Variants in HIP1 observed in about 807,000 individuals in gnomAD.
The protein encoded by HIP1 is huntingtin-interacting protein 1.
In HIP1, 65 loss-of-function variants were observed where a neutral mutation model predicts 147.6. The ratio of observed to expected loss-of-function variants is 0.44; its 90% CI spans 0.36 to 0.54. The LOEUF (loss-of-function observed/expected upper bound fraction) is 0.54. Among genes scored for constraint, HIP1 ranks in the 20% least tolerant of loss-of-function variants. The probability of loss-of-function intolerance (pLI) is 0.00; values close to 1 mark genes in which losing one functional copy is unlikely to be tolerated. For missense variants in HIP1, 1,061 were observed against 1,299.6 expected (o/e 0.82, Z 2.82); for synonymous variants, 479 against 504.0 (o/e 0.95, Z 0.67).
chr7:75,607,311 C>A (rs1554504010), intron 1 of HIP1, among the ~76,000 whole-genome samples: 1 of 147,106 alleles, frequency 6.8e-6, no homozygotes, highest in African/African-American at 2.5e-5. Context: ...CTCACTGCAA[C>A]CTCTGCCTTC....
rs781903578 is a variant in HIP1 at position 75,563,040 on chromosome 7, T to C, written c.915A>G (p.Ser305=). Residue 305 remains serine (S), a synonymous_variant, in exon 11 of 31, where the codon TCA becomes TCG. Transcript: ENST00000336926. ...PPNFLRASAL[S]EHISPVVVIP... Reference sequence around the variant, plus strand: ...TCACCACCACAGGGCTGATATGTTCTGACAGGGCTGAGGCTCGCAGGAAGT... The same window carrying C: ...TCACCACCACAGGGCTGATATGTTCCGACAGGGCTGAGGCTCGCAGGAAGT... The C allele has an allele frequency of 1.1e-5, 18 of 1,614,096 alleles. No individual in the cohort carries two copies. In the East Asian group the frequency reaches 3.6e-4, roughly 32 times the overall value.
intron 2 of HIP1, among the ~76,000 whole-genome samples, chr7:75,597,516 G>A (rs1796791425): frequency 6.6e-6 from 1 of 152,110 alleles, no homozygotes; most frequent in Non-Finnish European, 1.5e-5. Context: ...AAGGCAGGAG[G>A]ATTGCTTGAG....
intron 1 of HIP1, among the ~76,000 whole-genome samples, chr7:75,705,634 C>T (rs528667594): frequency 7.2e-5 from 11 of 151,884 alleles, no homozygotes; most frequent in African/African-American, 2.4e-4. Context: ...GGATTATAGA[C>T]GTGAGCCACC....
intron 29 of HIP1, among the ~76,000 whole-genome samples, chr7:75,540,968 T>A (rs1318694021): frequency 6.6e-6 from 1 of 152,078 alleles, no homozygotes; most frequent in East Asian, 1.9e-4. Flanking sequence ...GGGCAAGAGT[T>A]AAGAGTCTGA....
chr7:75,676,500 G>C (rs1799893485), intron 1 of HIP1, among the ~76,000 whole-genome samples: 1 of 151,664 alleles, frequency 6.6e-6, no homozygotes, highest in South Asian at 2.1e-4. Context: ...CCTATGGCCT[G>C]GCGCGGTGGC....
intron 1 of HIP1, among the ~76,000 whole-genome samples, chr7:75,731,834 A>T (rs62477611): frequency 0.095 from 14,463 of 152,158 alleles, 850 homozygotes; most frequent in Middle Eastern, 0.16. Context: ...ACCCACGGTC[A>T]CCATCTTGAT....
chr7:75,686,326 T>C (rs958007241), intron 1 of HIP1, among the ~76,000 whole-genome samples: 1 of 152,248 alleles, frequency 6.6e-6, no homozygotes, highest in Non-Finnish European at 1.5e-5. Context: ...CATAAAGATA[T>C]TCTCTCGTAT....
At chr7:75,708,955 A>G (rs1801080767) in intron 1 of HIP1, among the ~76,000 whole-genome samples, 1 of 152,132 alleles carries the variant, frequency 6.6e-6, no homozygotes, top group South Asian at 2.1e-4. Context: ...GCCACATCTT[A>G]ACAATATTAA....
chr7:75,663,839 G>A lies in HIP1; in HGVS notation c.121-64592C>T, dbSNP rs17148771. Among the ~76,000 whole-genome samples, 403 of 151,012 alleles carry A rather than the reference G, an allele frequency of 2.7e-3. 16 individuals carry two copies. The East Asian group carries it at 0.072, about 27-fold the overall frequency. ...TGACTCAGCTAATCAGTAGAGCAAC[G>A]GTCCTGCTAAGGCAAGATTACAGGG... On this transcript the variant is annotated intron_variant, in intron 1 of 30. Coordinates refer to ENST00000336926, the MANE Select transcript of HIP1 (RefSeq NM_005338.7).
intron 1 of HIP1, chr7:75,639,342 G>A (rs1229463863): frequency 3.1e-6 from 1 of 317,890 alleles, no homozygotes; most frequent in Non-Finnish European, 4.5e-6. Context: ...CCCGCCGGCA[G>A]AGACCGGCGC....
Position 75,554,485 on chromosome 7 carries a change from C to T in HIP1, c.2005G>A (p.Glu669Lys), listed in dbSNP as rs377463352. The T allele has an allele frequency of 9.3e-6, 15 of 1,613,846 alleles. No individual in the cohort carries two copies. The highest frequency in any genetic ancestry group is 4.5e-5 in the East Asian group (2 of 44,870). ...TGGCTCCAGCTTTTCTCCAGTTGCT[C>T]GATGCAGCTGGAAATGGATGTGACC... is the stretch of plus-strand genomic sequence containing the variant. ...STVTSISSCI[E>K]QLEKSWSQYL... The change falls in exon 20 of 31, where the codon GAG (glutamate) becomes AAG (lysine). Residue 669 changes from glutamate (E) to lysine (K), a missense_variant. Coordinates refer to ENST00000336926, the MANE Select transcript of HIP1 (RefSeq NM_005338.7).
intron 1 of HIP1, among the ~76,000 whole-genome samples, chr7:75,655,300 C>T (rs749917898): frequency 1.8e-4 from 28 of 151,748 alleles, no homozygotes; most frequent in African/African-American, 6.8e-4. Context: ...AGACACAGGC[C>T]GGGCACGGTG....
chr7:75,642,316 T>C (rs1798674812), intron 1 of HIP1, among the ~76,000 whole-genome samples: 2 of 152,110 alleles, frequency 1.3e-5, no homozygotes, highest in South Asian at 4.1e-4. Flanking sequence ...GGCGGGAGGA[T>C]CACCTGAGGT....
rs533404976 is a variant in HIP1 at position 75,717,976 on chromosome 7, G to GA, written c.120+20824dup. Among the ~76,000 whole-genome samples, 535 of 129,244 alleles carry GA rather than the reference G, an allele frequency of 4.1e-3. 6 individuals carry two copies. In the South Asian group the frequency reaches 0.063, roughly 15 times the overall value. 84.8% of individuals were successfully genotyped at this position (129,244 alleles called of 152,430 possible). A position where few individuals can be genotyped will look rare whatever the true frequency, so the allele number is the denominator to read the frequency against. ...CAGAGCGAAACTCTGTCTCAAAAAA[G>GA]AAAAAAAAAAAAAGAATTAGCTGGG... On this transcript the variant is annotated intron_variant, in intron 1 of 30. Transcript: ENST00000336926.
chr7:75,675,546 C>A (rs1298599729), intron 1 of HIP1, among the ~76,000 whole-genome samples: 4 of 152,036 alleles, frequency 2.6e-5, no homozygotes, highest in Non-Finnish European at 5.9e-5. Context: ...TCAATTCTGT[C>A]ATTTTCTTTT....
chr7:75,577,924 TG>T (rs2116908615), intron 7 of HIP1, among the ~76,000 whole-genome samples: 1 of 152,188 alleles, frequency 6.6e-6, no homozygotes, highest in African/African-American at 2.4e-5. Context: ...TGCTTGAGCC[TG>T]GGAGGCGGAG....
intron 30 of HIP1, among the ~76,000 whole-genome samples, chr7:75,538,672 T>C (rs1794181317): frequency 6.6e-6 from 1 of 151,800 alleles, no homozygotes; most frequent in South Asian, 2.1e-4. Context: ...CCTCCCGGGT[T>C]CACGCCATTC....
chr7:75,733,517 C>T (rs988565895), intron 1 of HIP1: 1 of 151,792 alleles, frequency 6.6e-6, no homozygotes, highest in Non-Finnish European at 1.5e-5. Context: ...GGGGAACACA[C>T]CAAGGGTCTG....
At chr7:75,601,283 C>A (rs984429608) in intron 1 of HIP1, among the ~76,000 whole-genome samples, 1 of 151,272 alleles carries the variant, frequency 6.6e-6, no homozygotes, top group African/African-American at 2.4e-5. Context: ...CAGACTAACA[C>A]CTGGTTTTGA....
Sources: gnomAD v4.1 joint callset for allele counts (sites outside exome capture counted in the v4.1 genomes callset) on GRCh38, gnomAD v4.1.1 for gene constraint, MANE v1.5 for transcripts, NCBI Gene and HGNC (gene_info 2026-07-23, HGNC 2026-07-21) for gene names.